HDAC4: variants seen among roughly 807,000 people sequenced by gnomAD.
HDAC4 encodes histone deacetylase A.
A neutral mutation model predicts 135.1 loss-of-function variants in HDAC4; 16 were observed. The ratio of observed to expected loss-of-function variants is 0.12; its 90% CI spans 0.08 to 0.18. The LOEUF is 0.18. Among genes scored for constraint, HDAC4 ranks in the 10% least tolerant of loss-of-function variants. The pLI, the probability that HDAC4 is intolerant of heterozygous loss-of-function variation, is 1.00. For synonymous variants in HDAC4, 685 were observed against 653.4 expected (o/e 1.05, Z -0.74); for missense variants, 1,143 against 1,511.8 (o/e 0.76, Z 4.05).
At position 239,333,825 on chromosome 2, in the gene HDAC4, A is replaced by G. The variant is rs1691742843; in HGVS notation, c.22+18853T>C. Among the ~76,000 whole-genome samples the G allele has an allele frequency of 2.0e-5, 3 of 152,006 alleles. No homozygotes were observed. The South Asian group carries it at 6.2e-4, about 32-fold the overall frequency. On this transcript the variant is annotated intron_variant, in intron 2 of 26. Coordinates refer to ENST00000543185, the MANE Select transcript of HDAC4 (RefSeq NM_001378414.1). ...AACAAAAGTAAACTGCATTCATCTC[A>G]TGGACTACACAGAACTTATAGCAAA... is the stretch of plus-strand genomic sequence containing the variant.
rs2049750364 is a variant in HDAC4 at position 239,266,659 on chromosome 2, C to G, written c.23-29995G>C. Among the ~76,000 whole-genome samples the G allele has an allele frequency of 2.6e-5, 4 of 152,310 alleles. No homozygotes were observed. The South Asian group carries it at 8.3e-4, about 32-fold the overall frequency. On this transcript the variant is annotated intron_variant, in intron 2 of 26. Transcript: ENST00000543185. ...AAGGCAAGCGCTGCAGCTCACAGCT[C>G]ACATCCCACCCTCTCTCCCTCTGTC...
intron 22 of HDAC4, among the ~76,000 whole-genome samples, chr2:239,074,779 G>A (rs1162293719): frequency 1.3e-5 from 2 of 152,194 alleles, no homozygotes; most frequent in Non-Finnish European, 2.9e-5. Context: ...AAAGGAAGCT[G>A]AGCATGGCAC....
intron 4 of HDAC4, among the ~76,000 whole-genome samples, chr2:239,178,959 G>A (rs2153007712): frequency 6.6e-6 from 1 of 151,224 alleles, no homozygotes; most frequent in Middle Eastern, 3.4e-3. Context: ...CCGAGGCATA[G>A]AGTGGGGAGT....
intron 22 of HDAC4, among the ~76,000 whole-genome samples, chr2:239,073,013 C>T (rs139238449): frequency 3.0e-4 from 46 of 152,290 alleles, no homozygotes; most frequent in African/African-American, 1.1e-3. Flanking sequence ...CCTGGTGCCC[C>T]GCGTCCCATG....
chr2:239,061,218 G>T (rs1260847235), intron 24 of HDAC4, among the ~76,000 whole-genome samples: 4 of 152,120 alleles, frequency 2.6e-5, no homozygotes, highest in Non-Finnish European at 5.9e-5. Flanking sequence ...GTGCGTGTGT[G>T]GTGTGTGTGT....
intron 1 of HDAC4, among the ~76,000 whole-genome samples, chr2:239,386,779 G>C (rs1246898086): frequency 6.6e-6 from 1 of 152,208 alleles, no homozygotes; most frequent in Non-Finnish European, 1.5e-5. Flanking sequence ...CCCTTGTCCA[G>C]AGACAGCCCA....
chr2:239,215,793 C>T (rs529622572), intron 3 of HDAC4, among the ~76,000 whole-genome samples: 3 of 152,202 alleles, frequency 2.0e-5, no homozygotes, highest in Non-Finnish European at 2.9e-5. Context: ...CTGGAGGACG[C>T]GGTCATCAGT....
rs1211189171 is a variant in HDAC4 at position 239,352,082 on chromosome 2, G to A, written c.22+596C>T. 6.6e-6 allele frequency among the ~76,000 whole-genome samples: 1 copy of A among 152,228 alleles called. No individual in the cohort carries two copies. The highest frequency in any genetic ancestry group is 1.5e-5 in the Non-Finnish European group (1 of 68,048). On this transcript the variant is annotated intron_variant, in intron 2 of 26. Transcript: ENST00000543185. The surrounding 1 kb of genome is among the most constrained non-coding windows in gnomAD (Gnocchi z 4.4). ...CTGAAGCTCAGAGCAGGACAAGCTT[G>A]CTTCCCAATCATGTGGGTCCCCCAC...
intron 11 of HDAC4, among the ~76,000 whole-genome samples, 184 bp downstream of exon 11, chr2:239,134,061 G>A (rs2040778054): frequency 6.6e-6 from 1 of 152,168 alleles, no homozygotes; most frequent in African/African-American, 2.4e-5. Context: ...GACTCTGGGA[G>A]TGAGGCATGG....
At chr2:239,270,519 C>G (rs2050001660) in intron 2 of HDAC4, among the ~76,000 whole-genome samples, 1 of 152,108 alleles carries the variant, frequency 6.6e-6, no homozygotes, top group Admixed American at 6.5e-5. Context: ...AAATGAGAAT[C>G]CAGAATAAGC....
intron 2 of HDAC4, among the ~76,000 whole-genome samples, chr2:239,333,533 A>G (rs868631956): frequency 6.6e-6 from 1 of 152,210 alleles, no homozygotes; most frequent in Non-Finnish European, 1.5e-5. Flanking sequence ...TAAATTCAAC[A>G]GTATATAAAA....
At chr2:239,076,395 T>A (rs2034767972) in intron 22 of HDAC4, among the ~76,000 whole-genome samples, 1 of 152,258 alleles carries the variant, frequency 6.6e-6, no homozygotes, top group Non-Finnish European at 1.5e-5. Flanking sequence ...AATTATGGCC[T>A]GTACATACCA....
chr2:239,084,344 G>A, intron 19 of HDAC4, 102 bp from the exon 20 acceptor site: 1 of 789,968 alleles, frequency 1.3e-6, no homozygotes, highest in South Asian at 1.5e-5. Context: ...AGACCTAAGA[G>A]GTCTCTGTGA....
chr2:239,244,895 C>A lies in HDAC4; in HGVS notation c.23-8231G>T, dbSNP rs574724479. Among the ~76,000 whole-genome samples, 3 of 152,306 alleles carry A rather than the reference C, an allele frequency of 2.0e-5. No homozygotes were observed. The East Asian group carries it at 5.8e-4, about 29-fold the overall frequency. On this transcript the variant is annotated intron_variant, in intron 2 of 26. Transcript: ENST00000543185. ...CTCCATAAACTTGTGCCCACCCAAC[C>A]GGCCCTCCCTGGGAGCTCTGCTTAT...
intron 2 of HDAC4, among the ~76,000 whole-genome samples, chr2:239,269,085 G>T (rs2049906390): frequency 1.3e-5 from 2 of 152,096 alleles, no homozygotes. Flanking sequence ...TAATTTACCA[G>T]CAGATGGAAG....
At chr2:239,064,750 G>T (rs1033224337) in intron 24 of HDAC4, among the ~76,000 whole-genome samples, 1 of 152,130 alleles carries the variant, frequency 6.6e-6, no homozygotes, top group Non-Finnish European at 1.5e-5. Flanking sequence ...CTCATAATGG[G>T]GTTTGCACTG....
Position 239,134,287 on chromosome 2 carries a change from C to A in HDAC4, c.1252G>T (p.Val418Phe). 1 of 1,613,394 alleles carries A rather than the reference C, an allele frequency of 6.2e-7. No homozygotes were observed. Among genetic ancestry groups the A allele is most frequent in the Non-Finnish European group, 8.5e-7 (1 of 1,180,018 alleles). ...TGTGCCGGCGGCTGCTCCAGTAAGA[C>A]CATGTGCTGCAGAAGAGGGCTGTGC... ...AAHSPLLQHM[V>F]LLEQPPAQAP... Residue 418 changes from valine to phenylalanine, a missense_variant, in exon 11 of 27, where the codon GTC becomes TTC. Around this residue, in one of 9 missense-constraint regions of HDAC4, gnomAD observed 272 missense variants for 309.7 expected, o/e 0.88. Coordinates refer to ENST00000543185, the MANE Select transcript of HDAC4 (RefSeq NM_001378414.1).
chr2:239,261,855 C>A (rs2049389034), intron 2 of HDAC4, among the ~76,000 whole-genome samples: 1 of 152,196 alleles, frequency 6.6e-6, no homozygotes, highest in African/African-American at 2.4e-5. Flanking sequence ...ACACCCCCCA[C>A]CCGGCCCAGC....
chr2:239,067,824 G>A (rs907314688), intron 23 of HDAC4, among the ~76,000 whole-genome samples: 21 of 152,218 alleles, frequency 1.4e-4, no homozygotes, highest in African/African-American at 4.8e-4. Context: ...CACTGTGGAC[G>A]CTGGGGCCTT....
Sources: allele counts gnomAD v4.1 joint callset (sites outside exome capture counted in the v4.1 genomes callset), GRCh38; gene constraint gnomAD v4.1.1; regional missense constraint gnomAD v4.1.1; non-coding constraint Gnocchi (gnomAD v3.1); transcripts MANE v1.5; gene names NCBI Gene and HGNC (gene_info 2026-07-23, HGNC 2026-07-21).